Variants in HTR4 observed in about 807,000 individuals in gnomAD.
The protein encoded by HTR4 is 5-hydroxytryptamine receptor 4, also known as 5-hydroxytryptamine (serotonin) receptor 4, G protein-coupled.
A neutral mutation model predicts 36.8 loss-of-function variants in HTR4; 16 were observed. The observed-to-expected ratio is 0.43, with a 90% confidence interval of 0.29 to 0.66. The LOEUF (loss-of-function observed/expected upper bound fraction) is 0.66. HTR4 is among the 30% of genes least tolerant of loss of function. The probability of loss-of-function intolerance (pLI) is 0.13; values close to 1 mark genes in which losing one functional copy is unlikely to be tolerated. For synonymous variants in HTR4, 189 were observed against 185.1 expected, an observed-to-expected ratio of 1.02 and a Z score of -0.17; for missense variants, 438 against 490.9, an observed-to-expected ratio of 0.89 and a Z score of 1.02.
chr5:148,597,928 G>A (rs1358216012), intron 2 of HTR4, among the ~76,000 whole-genome samples: 1 of 152,156 alleles, frequency 6.6e-6, no homozygotes, highest in African/African-American at 2.4e-5. Flanking sequence ...AAGTTGATGA[G>A]CAAATGGATT....
intron 4 of HTR4, among the ~76,000 whole-genome samples, chr5:148,532,204 C>T (rs556109360): frequency 2.6e-5 from 4 of 152,218 alleles, no homozygotes; most frequent in Non-Finnish European, 5.9e-5. Flanking sequence ...GCATTGCCTT[C>T]CACTTTGCTC....
intron 4 of HTR4, among the ~76,000 whole-genome samples, chr5:148,544,185 A>C (rs752022969): frequency 6.6e-6 from 1 of 152,070 alleles, no homozygotes; most frequent in African/African-American, 2.4e-5. Context: ...CTACCCCTCA[A>C]ATAACCACCT....
intron 2 of HTR4, among the ~76,000 whole-genome samples, chr5:148,576,124 A>C (rs1260463289): frequency 6.8e-5 from 10 of 147,416 alleles, no homozygotes; most frequent in African/African-American, 1.8e-4. Context: ...AAAAAAAAAA[A>C]AAAAAAAAAC....
At chr5:148,459,013 G>A (rs1471557356) in intron 5 of HTR4, among the ~76,000 whole-genome samples, 4 of 152,094 alleles carry the variant, frequency 2.6e-5, no homozygotes, top group African/African-American at 7.2e-5. Flanking sequence ...TTATTATCTC[G>A]CATTTCTGGA....
At chr5:148,624,514 G>A (rs1226161497) in intron 2 of HTR4, among the ~76,000 whole-genome samples, 1 of 152,144 alleles carries the variant, frequency 6.6e-6, no homozygotes, top group Non-Finnish European at 1.5e-5. Context: ...GTGGCAGCCT[G>A]AGCAAGGGAA....
intron 2 of HTR4, among the ~76,000 whole-genome samples, chr5:148,624,604 A>G (rs1387369554): frequency 1.3e-5 from 2 of 152,228 alleles, no homozygotes; most frequent in African/African-American, 4.8e-5. Context: ...ATCTGCAAAC[A>G]GCACCACAGG....
chr5:148,643,171 T>C (rs1321610319), intron 1 of HTR4, among the ~76,000 whole-genome samples: 3 of 152,122 alleles, frequency 2.0e-5, no homozygotes, highest in African/African-American at 7.2e-5. Flanking sequence ...ATGCAAAATG[T>C]TTTTAACTTT....
At chr5:148,613,575 T>C (rs540626201) in intron 2 of HTR4, among the ~76,000 whole-genome samples, 4,079 of 150,020 alleles carry the variant, frequency 0.027, 204 homozygotes, top group African/African-American at 0.096. Flanking sequence ...GCCAATATCA[T>C]ACTGAATGGG....
chr5:148,594,704 G>A (rs1284988611), intron 2 of HTR4, among the ~76,000 whole-genome samples: 1 of 152,104 alleles, frequency 6.6e-6, no homozygotes, highest in East Asian at 1.9e-4. Context: ...CCCAGTCACT[G>A]TTCAAATGAA....
intron 2 of HTR4, among the ~76,000 whole-genome samples, chr5:148,552,379 C>G (rs1265859718): frequency 6.6e-6 from 1 of 152,176 alleles, no homozygotes; most frequent in East Asian, 1.9e-4. Flanking sequence ...AAACTGTACA[C>G]TTAGAAAAAA....
intron 5 of HTR4, among the ~76,000 whole-genome samples, chr5:148,457,925 A>G (rs1298531549): frequency 7.6e-6 from 1 of 131,290 alleles, no homozygotes; most frequent in African/African-American, 2.7e-5. Flanking sequence ...TATATCATTA[A>G]AATATATTAT....
At chr5:148,560,850 A>G (rs2113866160) in intron 2 of HTR4, among the ~76,000 whole-genome samples, 1 of 152,260 alleles carries the variant, frequency 6.6e-6, no homozygotes, top group East Asian at 1.9e-4. Context: ...CTTACTTAGA[A>G]GTGAATATAT....
intron 5 of HTR4, among the ~76,000 whole-genome samples, chr5:148,512,268 C>T (rs1757530799): frequency 6.6e-6 from 1 of 152,132 alleles, no homozygotes; most frequent in Non-Finnish European, 1.5e-5. Context: ...TGAATTAAAT[C>T]CAATAAACTT....
intron 2 of HTR4, among the ~76,000 whole-genome samples, chr5:148,553,504 G>C (rs1341438568): frequency 6.6e-6 from 1 of 152,200 alleles, no homozygotes; most frequent in Non-Finnish European, 1.5e-5. Context: ...TCTCCCAAGT[G>C]ACTCTGATGT....
At chr5:148,533,332 C>G (rs750867317) in intron 4 of HTR4, among the ~76,000 whole-genome samples, 29 of 152,174 alleles carry the variant, frequency 1.9e-4, no homozygotes, top group Non-Finnish European at 2.8e-4. Flanking sequence ...TTATGCAAAA[C>G]ATTTCAAAAG....
chr5:148,481,345 T>C (rs551306526), downstream of HTR4: 1 of 559,666 alleles, frequency 1.8e-6, no homozygotes, highest in South Asian at 2.7e-5. Context: ...TCTTCATATG[T>C]GACAAGAATG....
intron 2 of HTR4, among the ~76,000 whole-genome samples, chr5:148,590,075 A>C (rs1761501352): frequency 6.6e-6 from 1 of 151,984 alleles, no homozygotes; most frequent in South Asian, 2.1e-4. Flanking sequence ...AGAAGCTTTA[A>C]TTTTAATATA....
intron 2 of HTR4, among the ~76,000 whole-genome samples, chr5:148,585,861 A>G (rs980746481): frequency 2.6e-5 from 4 of 152,046 alleles, no homozygotes; most frequent in Non-Finnish European, 4.4e-5. Context: ...TCATTTCCCT[A>G]TGCTCCACGA....
intron 4 of HTR4, among the ~76,000 whole-genome samples, chr5:148,535,305 G>A (rs1758761270): frequency 6.6e-6 from 1 of 152,124 alleles, no homozygotes; most frequent in African/African-American, 2.4e-5. Context: ...CAAAAACTCT[G>A]GTAATTCAAA....
Sources: gnomAD v4.1 joint callset for allele counts (sites outside exome capture counted in the v4.1 genomes callset) on GRCh38, gnomAD v4.1.1 for gene constraint, MANE v1.5 for transcripts, NCBI Gene and HGNC (gene_info 2026-07-23, HGNC 2026-07-21) for gene names.